The following PMFBP1 variants were observed in gnomAD, a reference collection of about 807,000 sequenced individuals.
PMFBP1 encodes polyamine-modulated factor 1-binding protein 1.
Under a neutral mutation model 137.8 loss-of-function variants are expected in PMFBP1, and 131 were observed. The ratio of observed to expected loss-of-function variants is 0.95; its 90% CI spans 0.82 to 1.10. The LOEUF is 1.10. Among genes scored for constraint, PMFBP1 ranks in the 50% least tolerant of loss-of-function variants. The pLI, the probability that PMFBP1 is intolerant of heterozygous loss-of-function variation, is 0.00. For synonymous variants in PMFBP1, 490 were observed against 450.4 expected (o/e 1.09, Z -1.11); for missense variants, 1,199 against 1,175.4 (o/e 1.02, Z -0.29).
chr16:72,136,377 A>AACCGGTT (rs1203584055), intron 9 of PMFBP1, 71 bp downstream of exon 9: 81 of 1,539,534 alleles, frequency 5.3e-5, no homozygotes, highest in Admixed American at 9.4e-5. Flanking sequence ...GTGAAGGCAG[A>AACCGGTT]ACCGGTTAAT....
chr16:72,192,572 T>G, the PMFBP1 span, among the ~76,000 whole-genome samples: 4 of 152,150 alleles, frequency 2.6e-5, no homozygotes, highest in African/African-American at 9.7e-5. Context: ...AGAATAAGTA[T>G]GCAAAGATGT....
the PMFBP1 span, among the ~76,000 whole-genome samples, chr16:72,245,811 T>G: frequency 6.6e-6 from 1 of 152,198 alleles, no homozygotes; most frequent in Non-Finnish European, 1.5e-5. Flanking sequence ...ACTCTCTCTC[T>G]CCAACCATTT....
intron 2 of PMFBP1, among the ~76,000 whole-genome samples, chr16:72,167,773 T>C (rs1199172621): frequency 6.6e-6 from 1 of 152,208 alleles, no homozygotes; most frequent in African/African-American, 2.4e-5. Flanking sequence ...CCCTATACTC[T>C]TGCCTTGGTG....
chr16:72,117,294 C>G (rs914822039), downstream of PMFBP1, among the ~76,000 whole-genome samples: 1 of 151,486 alleles, frequency 6.6e-6, no homozygotes, highest in Non-Finnish European at 1.5e-5. Context: ...TTATAATTTC[C>G]TTTTCAGATT....
the PMFBP1 span, among the ~76,000 whole-genome samples, chr16:72,238,426 T>C: frequency 7.2e-5 from 11 of 152,270 alleles, no homozygotes; most frequent in Non-Finnish European, 1.6e-4. Flanking sequence ...TATCATGTAA[T>C]TGTTGGCTGC....
At chr16:72,156,202 G>C (rs1435183625) in intron 3 of PMFBP1, among the ~76,000 whole-genome samples, 1 of 152,054 alleles carries the variant, frequency 6.6e-6, no homozygotes, top group East Asian at 1.9e-4. Flanking sequence ...GGCCAAGTTG[G>C]TCTCGAACTC....
chr16:72,151,742 T>C (rs548208261), intron 4 of PMFBP1, among the ~76,000 whole-genome samples: 1 of 152,346 alleles, frequency 6.6e-6, no homozygotes, highest in East Asian at 1.9e-4. Context: ...GAATATTTTA[T>C]ATCCAAATAT....
chr16:72,207,744 A>G, the PMFBP1 span, among the ~76,000 whole-genome samples: 5 of 107,006 alleles, frequency 4.7e-5, no homozygotes, highest in Non-Finnish European at 9.5e-5. Flanking sequence ...GTGTGTGTGC[A>G]TATTGATATA....
At chr16:72,245,860 G>A in the PMFBP1 span, among the ~76,000 whole-genome samples, 1 of 152,140 alleles carries the variant, frequency 6.6e-6, no homozygotes, top group East Asian at 1.9e-4. Flanking sequence ...ACTTGTATTT[G>A]AACACCCAGC....
At chr16:72,212,185 A>G in the PMFBP1 span, among the ~76,000 whole-genome samples, 5,819 of 152,070 alleles carry the variant, frequency 0.038, 359 homozygotes, top group African/African-American at 0.13. Context: ...CTTTTATCAT[A>G]TTTTATTTAT....
chr16:72,167,742 G>C (rs1025085574), intron 2 of PMFBP1, among the ~76,000 whole-genome samples: 5 of 152,150 alleles, frequency 3.3e-5, no homozygotes, highest in Non-Finnish European at 7.4e-5. Flanking sequence ...CAAGATGCCT[G>C]CTCCACAGGA....
intron 10 of PMFBP1, 63 bp from the exon 11 acceptor site, chr16:72,130,785 G>A: frequency 6.9e-7 from 1 of 1,457,514 alleles, no homozygotes; most frequent in Non-Finnish European, 9.1e-7. Flanking sequence ...ACTCTTATCA[G>A]CCTGGCTGAA....
the PMFBP1 span, among the ~76,000 whole-genome samples, chr16:72,195,425 T>G: frequency 1.7e-4 from 26 of 152,260 alleles, no homozygotes; most frequent in South Asian, 4.8e-3. Flanking sequence ...CTTGCACTTC[T>G]AACACCATCT....
chr16:72,194,192 C>A, the PMFBP1 span, among the ~76,000 whole-genome samples: 18 of 152,288 alleles, frequency 1.2e-4, no homozygotes, highest in African/African-American at 3.4e-4. Context: ...TTTATTTCAA[C>A]ATCTATATTT....
chr16:72,151,872 A>G (rs576640340), intron 4 of PMFBP1, among the ~76,000 whole-genome samples: 98 of 152,268 alleles, frequency 6.4e-4, no homozygotes, highest in African/African-American at 2.3e-3. Flanking sequence ...CTCTAATACC[A>G]GGAGCCCATT....
chr16:72,242,599 C>T, the PMFBP1 span, among the ~76,000 whole-genome samples: 3 of 152,300 alleles, frequency 2.0e-5, no homozygotes, highest in Admixed American at 2.0e-4. Flanking sequence ...CTTGATTACA[C>T]TGCACTCAGC....
chr16:72,144,617 G>T lies in PMFBP1; in HGVS notation c.637-4035C>A, dbSNP rs143988274. 3.1e-3 allele frequency among the ~76,000 whole-genome samples: 477 copies of T among 152,182 alleles called. 3 individuals carry two copies. The highest frequency in any genetic ancestry group is 0.01 in the Middle Eastern group (3 of 294). On this transcript the variant is annotated intron_variant, in intron 5 of 20. Transcript: ENST00000237353. ...TTATACATATAAAATATATATTCCA[G>T]ATGGACTAAAGATAAAAACATAAAA...
the PMFBP1 span, among the ~76,000 whole-genome samples, chr16:72,233,823 G>A: frequency 6.6e-6 from 1 of 152,050 alleles, no homozygotes. Context: ...CACATCATGG[G>A]AATCATACAA....
In PMFBP1 at chr16:72,164,793, A is replaced by T; in HGVS notation, c.136T>A (p.Cys46Ser). The change falls in exon 3 of 21, where the codon TGC (cysteine) becomes AGC (serine). Residue 46 changes from cysteine (C) to serine (S), a missense_variant. Transcript: ENST00000237353. ...CTGCTGTTCATTGCCTCCTCCATGC[A>T]GAGCTGATTGTCCTGCAAGGTCTTC... ...QRKTLQDNQL[C>S]MEEAMNSSHD... 1 of 1,603,932 alleles carries T rather than the reference A, an allele frequency of 6.2e-7. No homozygotes were observed. The highest frequency in any genetic ancestry group is 1.1e-5 in the South Asian group (1 of 90,742).
Sources: allele counts gnomAD v4.1 joint callset (sites outside exome capture counted in the v4.1 genomes callset), GRCh38; gene constraint gnomAD v4.1.1; transcripts MANE v1.5; gene names NCBI Gene and HGNC (gene_info 2026-07-23, HGNC 2026-07-21).